MARCO: variants seen among roughly 807,000 people sequenced by gnomAD.
The protein encoded by MARCO is macrophage receptor MARCO.
A neutral mutation model predicts 70.0 loss-of-function variants in MARCO; 72 were observed. The observed-to-expected ratio is 1.03, with a 90% CI of 0.85 to 1.25. The LOEUF (loss-of-function observed/expected upper bound fraction) is 1.25, where lower values mean the gene tolerates loss of function less well. Among genes scored for constraint, MARCO ranks in the 50% most tolerant of loss-of-function variants. The probability of loss-of-function intolerance (pLI) is 0.00; values close to 1 mark genes in which losing one functional copy is unlikely to be tolerated. For synonymous variants in MARCO, 273 were observed against 243.1 expected (o/e 1.12, Z -1.14); for missense variants, 696 against 659.3 (o/e 1.06, Z -0.61).
At chr2:118,950,157 T>G (rs912806949) in intron 1 of MARCO, among the ~76,000 whole-genome samples, 8 of 152,312 alleles carry the variant, frequency 5.3e-5, no homozygotes, top group African/African-American at 1.9e-4. Flanking sequence ...AAAAGCTAAA[T>G]TTTACCTTTA....
rs895522038 is a variant in MARCO, at chr2:118,969,210, G to A, written c.148G>A (p.Val50Ile). Residue 50 changes from valine to isoleucine, a missense_variant, in exon 2 of 17, where the codon GTC becomes ATC. By Grantham distance (29) the Val-to-Ile change is conservative (BLOSUM62 3). Coordinates refer to ENST00000327097, the MANE Select transcript of MARCO (RefSeq NM_006770.4). ...GGTGAACTTCTCCCTAGCTGTGGTGGTCATCTACCTGATCCTGCTCACCGC... is the reference window on the plus strand; with the variant it reads ...GGTGAACTTCTCCCTAGCTGTGGTGATCATCTACCTGATCCTGCTCACCGC... ...NGVNFSLAVV[V>I]IYLILLTAGA... The A allele has an allele frequency of 3.1e-6, 5 of 1,614,090 alleles. No homozygotes were observed. In the African/African-American group the frequency reaches 5.3e-5, roughly 17 times the overall value.
intron 13 of MARCO, among the ~76,000 whole-genome samples, chr2:118,990,944 G>A (rs892525460): frequency 1.3e-5 from 2 of 152,136 alleles, no homozygotes; most frequent in African/African-American, 2.4e-5. Context: ...CTCTACAGCC[G>A]CCATGGAGCT....
chr2:118,974,076 A>G (rs73948246), intron 4 of MARCO, among the ~76,000 whole-genome samples: 7,981 of 152,142 alleles, frequency 0.052, 676 homozygotes, highest in African/African-American at 0.18. Context: ...TGATGATGTA[A>G]CTTGCACAAG....
Position 118,942,393 on chromosome 2 carries a change from C to A in MARCO, c.93C>A (p.Ile31=). 1 of 1,610,364 alleles carries A rather than the reference C, an allele frequency of 6.2e-7. No individual in the cohort carries two copies. The part of the protein sequence containing the change: ...FHQIAMEPFE[I]NVPKPKRRNG... ...AAATTGCAATGGAGCCTTTCGAAATCAATGGTAAAGTACGATTCCCCAATA... is the reference window on the plus strand; with the variant it reads ...AAATTGCAATGGAGCCTTTCGAAATAAATGGTAAAGTACGATTCCCCAATA... Residue 31 remains isoleucine, a synonymous_variant, in exon 1 of 17, where the codon ATC becomes ATA. Coordinates refer to ENST00000327097, the MANE Select transcript of MARCO (RefSeq NM_006770.4).
At chr2:118,955,738 G>A (rs755351484) in intron 1 of MARCO, among the ~76,000 whole-genome samples, 1 of 152,198 alleles carries the variant, frequency 6.6e-6, no homozygotes, top group Non-Finnish European at 1.5e-5. Context: ...AAACCTATCA[G>A]ATTAACAGCA....
In MARCO at chr2:118,982,317, C is replaced by A. The variant is rs1240816141; in HGVS notation, c.1001-31C>A. On this transcript the variant is annotated intron_variant, in intron 11 of 16. Transcript: ENST00000327097. ...TGTGTGAAAACCTGCCTAGTCCAGC[C>A]CTTATGCTCTCTGTGGTGTCTGTTG... 2.5e-6 allele frequency: 4 copies of A among 1,613,090 alleles called. No homozygotes were observed. The South Asian group carries it at 4.4e-5, about 18-fold the overall frequency.
intron 1 of MARCO, among the ~76,000 whole-genome samples, chr2:118,967,586 A>G (rs904188319): frequency 2.0e-4 from 31 of 152,084 alleles, no homozygotes; most frequent in Non-Finnish European, 4.3e-4. Flanking sequence ...TAAACTGAGT[A>G]TAATCGAGTA....
chr2:118,969,066 C>T, intron 1 of MARCO, 94 bp from the exon 2 acceptor site: 2 of 830,070 alleles, frequency 2.4e-6, no homozygotes, highest in Middle Eastern at 2.9e-4. Flanking sequence ...TCACAGGGTG[C>T]CCCCTGCTCA....
intron 1 of MARCO, among the ~76,000 whole-genome samples, chr2:118,951,942 T>C (rs1304137402): frequency 2.6e-5 from 4 of 151,960 alleles, no homozygotes; most frequent in African/African-American, 4.8e-5. Flanking sequence ...CCTCTCTCTC[T>C]TTCTCTCCCT....
chr2:118,969,817 C>T (rs1037499148), intron 2 of MARCO, among the ~76,000 whole-genome samples: 4 of 152,118 alleles, frequency 2.6e-5, no homozygotes, highest in Admixed American at 1.3e-4. Flanking sequence ...GCATCTACAC[C>T]CAGAGCATGC....
chr2:118,994,357 T>C (rs1208448530), intron 16 of MARCO, 30 bp from the exon 17 acceptor site: 2 of 1,613,664 alleles, frequency 1.2e-6, no homozygotes, highest in Non-Finnish European at 1.7e-6. Context: ...CTACCCTTCT[T>C]CCTCTGTCTC....
chr2:118,984,675 C>T (rs1004190721), intron 12 of MARCO, among the ~76,000 whole-genome samples: 7 of 152,128 alleles, frequency 4.6e-5, no homozygotes, highest in Non-Finnish European at 8.8e-5. Flanking sequence ...GTAGATCATC[C>T]TGGAGTCATA....
intron 10 of MARCO, 52 bp from the exon 11 acceptor site, chr2:118,982,104 T>C (rs1198243777): frequency 2.2e-6 from 3 of 1,348,634 alleles, no homozygotes; most frequent in Admixed American, 1.9e-5. Context: ...GGTTGGGGTA[T>C]CTGGGCCCTC....
chr2:118,973,041 G>C (rs568465121), intron 4 of MARCO, among the ~76,000 whole-genome samples: 1 of 151,992 alleles, frequency 6.6e-6, no homozygotes, highest in South Asian at 2.1e-4. Context: ...GAATATAGAT[G>C]TATGTACATA....
chr2:118,992,611 C>T (rs895776457), intron 15 of MARCO, 135 bp downstream of exon 15: 4 of 712,600 alleles, frequency 5.6e-6, no homozygotes, highest in East Asian at 2.7e-5. Context: ...GGTCTAGTCC[C>T]TTGAATGAGC....
intron 8 of MARCO, among the ~76,000 whole-genome samples, chr2:118,980,369 C>G (rs1171366253): frequency 6.6e-6 from 1 of 152,174 alleles, no homozygotes; most frequent in Non-Finnish European, 1.5e-5. Context: ...TCAGCCATCT[C>G]AAGGGGTCTG....
intron 1 of MARCO, among the ~76,000 whole-genome samples, chr2:118,955,819 A>T (rs962159484): frequency 2.0e-5 from 3 of 152,204 alleles, no homozygotes; most frequent in Non-Finnish European, 4.4e-5. Flanking sequence ...AAGCAAAACA[A>T]TTATCAGCCA....
At chr2:118,950,853 A>G (rs947331914) in intron 1 of MARCO, among the ~76,000 whole-genome samples, 5 of 151,822 alleles carry the variant, frequency 3.3e-5, no homozygotes, top group African/African-American at 1.2e-4. Flanking sequence ...AACTTCCTTC[A>G]TGTCTGTGGA....
At chr2:118,961,842 A>G (rs1679953805) in intron 1 of MARCO, among the ~76,000 whole-genome samples, 1 of 152,064 alleles carries the variant, frequency 6.6e-6, no homozygotes, top group Non-Finnish European at 1.5e-5. Flanking sequence ...CAGGGTTTTT[A>G]TAGTTTTGGG....
Sources: allele counts gnomAD v4.1 joint callset (sites outside exome capture counted in the v4.1 genomes callset), GRCh38; gene constraint gnomAD v4.1.1; transcripts MANE v1.5; gene names NCBI Gene and HGNC (gene_info 2026-07-23, HGNC 2026-07-21).